Variants in ARHGAP22 observed in about 807,000 individuals in gnomAD.
The protein encoded by ARHGAP22 is Rho GTPase activating protein 22.
ARHGAP22 carries 48 observed loss-of-function variants against 59.1 expected under a neutral mutation model. That is an observed-to-expected ratio of 0.81 (90% CI 0.64 to 1.03). The LOEUF (loss-of-function observed/expected upper bound fraction) is 1.03. ARHGAP22 is among the 50% of genes least tolerant of loss of function. The pLI is 0.00. For missense variants in ARHGAP22, 1,015 were observed against 958.7 expected (o/e 1.06, Z -0.78); for synonymous variants, 445 against 416.4 (o/e 1.07, Z -0.84).
chr10:48,518,674 T>A (rs757714797), intron 3 of ARHGAP22, among the ~76,000 whole-genome samples: 9 of 152,054 alleles, frequency 5.9e-5, no homozygotes, highest in Non-Finnish European at 1.3e-4. Context: ...CCACTGAGCA[T>A]GCAGTGAGCA....
chr10:48,598,265 C>G (rs887590936), intron 1 of ARHGAP22, among the ~76,000 whole-genome samples: 2 of 152,146 alleles, frequency 1.3e-5, no homozygotes, highest in African/African-American at 2.4e-5. Context: ...GAGTTTGCAG[C>G]GCCCCTCTTC....
chr10:48,451,178 G>A (rs1300243482), intron 8 of ARHGAP22, 38 bp from the exon 9 acceptor site: 1 of 1,550,304 alleles, frequency 6.5e-7, no homozygotes, highest in East Asian at 2.4e-5. Flanking sequence ...CTTGCTGCCA[G>A]CCACTCGGCC....
chr10:48,504,328 C>G (rs1235195459), intron 3 of ARHGAP22, among the ~76,000 whole-genome samples: 1 of 152,174 alleles, frequency 6.6e-6, no homozygotes, highest in Non-Finnish European at 1.5e-5. Context: ...AGGTACTTCC[C>G]AAGACTCTGG....
intron 1 of ARHGAP22, among the ~76,000 whole-genome samples, chr10:48,648,024 T>C (rs1010099253): frequency 3.9e-5 from 6 of 152,126 alleles, no homozygotes; most frequent in Non-Finnish European, 5.9e-5. Context: ...ATGGTTTCCT[T>C]AGGTTGGGGT....
chr10:48,433,689 A>G, the ARHGAP22 span, among the ~76,000 whole-genome samples: 3 of 151,894 alleles, frequency 2.0e-5, no homozygotes, highest in African/African-American at 7.3e-5. Flanking sequence ...TACACTGCCT[A>G]TTTTCTTTTT....
chr10:48,586,001 C>T (rs150733543), intron 1 of ARHGAP22, among the ~76,000 whole-genome samples: 42 of 152,218 alleles, frequency 2.8e-4, no homozygotes, highest in African/African-American at 1.0e-3. Context: ...TTGAGCTTCA[C>T]CTTATCTGTG....
In ARHGAP22 at chr10:48,446,506, C is replaced by A. The variant is rs147996079; in HGVS notation, c.1982G>T (p.Arg661Leu). The change falls in exon 10 of 10, where the codon CGG becomes CTG. Residue 661 changes from arginine to leucine, a missense_variant. Transcript: ENST00000249601. Reference sequence around the variant, plus strand: ...CCTCCTCTCCGCATCCTCCCGCGCCCGTTCAGAGTTCCGCAGCTTTATTTC... The same window carrying A: ...CCTCCTCTCCGCATCCTCCCGCGCCAGTTCAGAGTTCCGCAGCTTTATTTC... ...MLEIKLRNSE[R>L]AREDAERRNQ... 2 of 1,614,120 alleles carry A rather than the reference C, an allele frequency of 1.2e-6. No homozygotes were observed. The highest frequency in any genetic ancestry group is 2.2e-5 in the East Asian group (1 of 44,900).
intron 4 of ARHGAP22, 189 bp downstream of exon 4, chr10:48,479,447 G>A (rs1373636725): frequency 4.1e-5 from 40 of 981,828 alleles, no homozygotes; most frequent in Non-Finnish European, 5.5e-5. Context: ...AAAGGAGGAA[G>A]TGAGTACACG....
Position 48,450,803 on chromosome 10 carries a change from C to T in ARHGAP22, c.1326G>A (p.Pro442=), listed in dbSNP as rs772405650. 2.9e-5 allele frequency: 45 copies of T among 1,575,766 alleles called. No individual in the cohort carries two copies. The highest frequency in any genetic ancestry group is 3.8e-5 in the Non-Finnish European group (44 of 1,161,512). The change falls in exon 9 of 10, where the codon CCG becomes CCA. Residue 442 remains proline (P), a synonymous_variant. Transcript: ENST00000249601. The stretch of plus-strand genomic sequence containing the variant: ...CCTCCAGGGATGAGCCGCCCCCCTT[C>T]GGGCTTCCCGATAGGGACCTCGGCT... The part of the protein sequence containing the change: ...FRQPRSLSGS[P]KGGGSSLEVP...
At position 48,632,946 on chromosome 10, in the gene ARHGAP22, T is replaced by C. The variant is rs2061677596; in HGVS notation, c.52+19288A>G. On this transcript the variant is annotated intron_variant, in intron 1 of 9. Coordinates refer to the ARHGAP22 transcript ENST00000435790. The stretch of plus-strand genomic sequence containing the variant: ...TTCATCACTACTGCACAACGCTGAC[T>C]ATTCTTTTCCTTCATCTACCCCTGG... Among the ~76,000 whole-genome samples, 3 of 152,236 alleles carry C rather than the reference T, an allele frequency of 2.0e-5. 1 individual carries two copies. The South Asian group carries it at 6.2e-4, about 32-fold the overall frequency.
chr10:48,618,853 A>G (rs1473931440), intron 1 of ARHGAP22, among the ~76,000 whole-genome samples: 3 of 152,128 alleles, frequency 2.0e-5, no homozygotes, highest in Non-Finnish European at 4.4e-5. Flanking sequence ...CTGAGCAATT[A>G]GGAATAAATT....
In ARHGAP22 at chr10:48,583,070, C is replaced by T. The variant is rs1029924711; in HGVS notation, c.117G>A (p.Leu39=). The change falls in exon 2 of 10, where the codon CTG becomes CTA. Residue 39 remains leucine, a synonymous_variant. Transcript: ENST00000249601. ...MPCPHRLGPV[L]KAGWLKKQRS... is the part of the protein sequence containing the mutation. ...TCTGCTTCTTCAGCCAGCCCGCCTT[C>T]AGCACGGGGCCCAGCCTGTGAGGGC... 6.2e-7 allele frequency: 1 copy of T among 1,614,290 alleles called. No individual in the cohort carries two copies. Among genetic ancestry groups the T allele is most frequent in the Non-Finnish European group, 8.5e-7 (1 of 1,180,056 alleles).
At chr10:48,454,941 A>G in intron 6 of ARHGAP22, 61 bp downstream of exon 6, 1 of 1,497,614 alleles carries the variant, frequency 6.7e-7, no homozygotes, top group Non-Finnish European at 9.0e-7. Flanking sequence ...CTGTGTCCTG[A>G]GTCTACAGGC....
intron 3 of ARHGAP22, among the ~76,000 whole-genome samples, chr10:48,543,449 G>T (rs1444121576): frequency 6.6e-6 from 1 of 152,074 alleles, no homozygotes; most frequent in Non-Finnish European, 1.5e-5. Context: ...ACCAGCTAGA[G>T]AATTTTTGGG....
At chr10:48,484,183 T>C (rs561805199) in intron 3 of ARHGAP22, among the ~76,000 whole-genome samples, 10 of 152,354 alleles carry the variant, frequency 6.6e-5, no homozygotes, top group African/African-American at 2.2e-4. Context: ...GGAAAATTGG[T>C]TGGCTGCTGA....
chr10:48,523,814 A>C (rs1589932426), intron 3 of ARHGAP22, among the ~76,000 whole-genome samples: 1 of 151,170 alleles, frequency 6.6e-6, no homozygotes, highest in Non-Finnish European at 1.5e-5. Context: ...GCCGGACCCC[A>C]CCCCCACTCC....
Position 48,450,487 on chromosome 10 carries a change from C to A in ARHGAP22, c.1642G>T (p.Ala548Ser). The A allele has an allele frequency of 6.5e-7, 1 of 1,533,782 alleles. No individual in the cohort carries two copies. Among genetic ancestry groups the A allele is most frequent in the Non-Finnish European group, 8.8e-7 (1 of 1,139,010 alleles). The change falls in exon 9 of 10, where the codon GCC becomes TCC. Residue 548 changes from alanine (A) to serine (S), a missense_variant. By Grantham distance (99) the Ala-to-Ser change is moderately conservative (BLOSUM62 1). Coordinates refer to ENST00000249601, the MANE Select transcript of ARHGAP22 (RefSeq NM_021226.4). ...CTGGGGAGCGGGGAGGGCTCCAGGG[C>A]CCAGTCGGTGTGCAGGGAACTGCGG... Reference protein sequence around the residue: ...SARSSLHTDWALEPSPLPSSS... With the variant: ...SARSSLHTDWSLEPSPLPSSS...
Position 48,479,647 on chromosome 10 carries a change from G to C in ARHGAP22, c.440C>G (p.Pro147Arg). The C allele has an allele frequency of 6.2e-7, 1 of 1,613,796 alleles. No homozygotes were observed. Residue 147 changes from proline (P) to arginine (R), a missense_variant, in exon 4 of 10, where the codon CCG (proline) becomes CGG (arginine). Pro to Arg is a moderately radical substitution (Grantham distance 103). Transcript: ENST00000249601. ...TCTACGGGCAGTACCTCCGCCCAGC[G>C]GGGCCCAGATGACTCGGCGGATGGC... Reference protein sequence around the residue: ...VQAIRRVIWAPLGGGIFGQRL... With the variant: ...VQAIRRVIWARLGGGIFGQRL...
chr10:48,575,561 A>C (rs1238665882), intron 2 of ARHGAP22: 15 of 152,150 alleles, frequency 9.9e-5, no homozygotes, highest in Admixed American at 9.8e-4. Context: ...ATCCATCTTG[A>C]CTTTCTCCCC....
Sources: allele counts gnomAD v4.1 joint callset (sites outside exome capture counted in the v4.1 genomes callset), GRCh38; gene constraint gnomAD v4.1.1; transcripts MANE v1.5; gene names NCBI Gene and HGNC (gene_info 2026-07-23, HGNC 2026-07-21).